The following LOC128462377 variants were observed in gnomAD, a reference collection of about 807,000 sequenced individuals.
At chr16:89,354,526 G>A in the LOC128462377 span, among the ~76,000 whole-genome samples, 5 of 152,222 alleles carry the variant, frequency 3.3e-5, no homozygotes, top group African/African-American at 1.2e-4. Context: ...TCTTGATAGG[G>A]AGGGCACTTC....
chr16:89,321,518 G>C, the LOC128462377 span, among the ~76,000 whole-genome samples: 3 of 152,060 alleles, frequency 2.0e-5, no homozygotes, highest in East Asian at 5.8e-4. Flanking sequence ...GGCTGCCCAG[G>C]AGCACTCCTT....
At chr16:89,355,528 T>C in the LOC128462377 span, among the ~76,000 whole-genome samples, 1 of 152,190 alleles carries the variant, frequency 6.6e-6, no homozygotes, top group Admixed American at 6.5e-5. Context: ...GTCCGGCACA[T>C]GCTCTGCTCT....
chr16:89,365,837 T>C, the LOC128462377 span, among the ~76,000 whole-genome samples: 1 of 152,102 alleles, frequency 6.6e-6, no homozygotes, highest in Admixed American at 6.5e-5. Flanking sequence ...CCAACAGTTA[T>C]TTTTTCTGTT....
At chr16:89,346,106 G>C in the LOC128462377 span, among the ~76,000 whole-genome samples, 9 of 151,898 alleles carry the variant, frequency 5.9e-5, no homozygotes, top group African/African-American at 2.2e-4. Flanking sequence ...AAAATTAGCC[G>C]GGCGTGGTGC....
the LOC128462377 span, among the ~76,000 whole-genome samples, chr16:89,389,309 G>C: frequency 6.6e-6 from 1 of 151,992 alleles, no homozygotes; most frequent in Non-Finnish European, 1.5e-5. Flanking sequence ...ACAGGCGTGA[G>C]CCACCACACC....
At chr16:89,324,308 G>C in the LOC128462377 span, 1 of 1,272,848 alleles carries the variant, frequency 7.9e-7, no homozygotes, top group African/African-American at 1.5e-5. Flanking sequence ...CCCGACAGGA[G>C]CACGGACACA....
At chr16:89,386,511 G>T in the LOC128462377 span, among the ~76,000 whole-genome samples, 2 of 152,190 alleles carry the variant, frequency 1.3e-5, no homozygotes, top group Non-Finnish European at 2.9e-5. Flanking sequence ...ATGAGGGTGT[G>T]GGGGAAAGGG....
At chr16:89,391,356 C>T in the LOC128462377 span, among the ~76,000 whole-genome samples, 1 of 152,052 alleles carries the variant, frequency 6.6e-6, no homozygotes, top group Non-Finnish European at 1.5e-5. Flanking sequence ...TGCTGGCAGT[C>T]TTGCGGGACT....
chr16:89,322,259 A>G, the LOC128462377 span, among the ~76,000 whole-genome samples: 26 of 152,358 alleles, frequency 1.7e-4, 1 homozygote, highest in South Asian at 4.6e-3. Context: ...AGATGTGACA[A>G]CATTACCCTC....
the LOC128462377 span, among the ~76,000 whole-genome samples, chr16:89,354,567 G>A: frequency 6.6e-6 from 1 of 152,188 alleles, no homozygotes; most frequent in African/African-American, 2.4e-5. Context: ...ATTTGATTGT[G>A]TGTCATCAAA....
chr16:89,360,268 T>C, the LOC128462377 span, among the ~76,000 whole-genome samples: 1 of 152,206 alleles, frequency 6.6e-6, no homozygotes, highest in Non-Finnish European at 1.5e-5. Flanking sequence ...TTATCTTATC[T>C]TATTTTGTAT....
At chr16:89,408,403 C>A in the LOC128462377 span, among the ~76,000 whole-genome samples, 1 of 152,228 alleles carries the variant, frequency 6.6e-6, no homozygotes, top group East Asian at 1.9e-4. Flanking sequence ...GTTGCCTGGG[C>A]AGAGGAGGAA....
the LOC128462377 span, among the ~76,000 whole-genome samples, chr16:89,357,443 CA>C: frequency 6.8e-6 from 1 of 147,952 alleles, no homozygotes; most frequent in African/African-American, 2.5e-5. Context: ...GTGCAACTGC[CA>C]AAAAAAAACA....
the LOC128462377 span, chr16:89,373,375 A>T: frequency 2.6e-5 from 4 of 152,444 alleles, no homozygotes; most frequent in Non-Finnish European, 5.9e-5. Context: ...CAGGAAGCTC[A>T]ATTCCAAAAC....
At chr16:89,405,452 C>T in the LOC128462377 span, among the ~76,000 whole-genome samples, 1 of 151,088 alleles carries the variant, frequency 6.6e-6, no homozygotes, top group African/African-American at 2.4e-5. Flanking sequence ...GCTTCCCCAA[C>T]TAGCTGTGAC....
the LOC128462377 span, among the ~76,000 whole-genome samples, chr16:89,326,735 C>T: frequency 3.3e-5 from 5 of 152,106 alleles, no homozygotes; most frequent in Admixed American, 1.3e-4. Context: ...GAGCAAGACC[C>T]TGTGTGAAAA....
chr16:89,410,753 C>T, the LOC128462377 span, among the ~76,000 whole-genome samples: 5 of 152,246 alleles, frequency 3.3e-5, no homozygotes, highest in African/African-American at 9.6e-5. Flanking sequence ...AAAGAACCCT[C>T]GCTTCTCATT....
chr16:89,336,851 C>T, the LOC128462377 span, among the ~76,000 whole-genome samples: 2 of 151,822 alleles, frequency 1.3e-5, no homozygotes, highest in East Asian at 1.9e-4. Context: ...GCAGGCCGGG[C>T]GCGGTGGCTC....
the LOC128462377 span, among the ~76,000 whole-genome samples, chr16:89,342,889 G>A: frequency 1.2e-4 from 19 of 152,318 alleles, no homozygotes; most frequent in African/African-American, 4.1e-4. Context: ...GGAAAGGGAC[G>A]GAGGTGAATG....
Sources: gnomAD v4.1 joint callset for allele counts (sites outside exome capture counted in the v4.1 genomes callset) on GRCh38, gnomAD v4.1.1 for gene constraint, MANE v1.5 for transcripts.